The following EP400 variants were observed in gnomAD, a reference collection of about 807,000 sequenced individuals.
EP400 encodes E1A-binding protein p400.
EP400 carries 105 observed loss-of-function variants against 354.1 expected under a neutral mutation model. The ratio of observed to expected loss-of-function variants is 0.30; its 90% CI spans 0.25 to 0.35. EP400 has a LOEUF of 0.35. Ranked by LOEUF, EP400 falls within the 10% of genes least tolerant of loss-of-function variation. The pLI, the probability that EP400 is intolerant of heterozygous loss-of-function variation, is 1.00. For missense variants in EP400, 3,280 were observed against 4,121.0 expected (o/e 0.80, Z 5.59); for synonymous variants, 1,646 against 1,716.9 (o/e 0.96, Z 1.02).
chr12:132,052,897 C>T lies in EP400; in HGVS notation c.7395-249C>T, dbSNP rs1237166701. Among the ~76,000 whole-genome samples the T allele has an allele frequency of 1.3e-5, 2 of 152,050 alleles. No individual in the cohort carries two copies. Among genetic ancestry groups the T allele is most frequent in the South Asian group, 2.1e-4 (1 of 4,820 alleles). Reference sequence around the variant, plus strand: ...GGGGCTGCCACAAGTACGCTGGGGACGTGTTCGGAGATACTTTTCCTGGAG... The same window carrying T: ...GGGGCTGCCACAAGTACGCTGGGGATGTGTTCGGAGATACTTTTCCTGGAG... On this transcript the variant is annotated intron_variant, in intron 41 of 52. Transcript: ENST00000389561. The surrounding 1 kb of genome is among the most constrained non-coding windows in gnomAD (Gnocchi z 4.4).
chr12:132,045,597 C>T lies in EP400; in HGVS notation c.7026+37C>T, dbSNP rs574313944. Reference sequence around the variant, plus strand: ...TGGTCTTTGTGCCAGCGGTCATGTGCGGTCATTTTTCTAACGCACGTCCGT... The same window carrying T: ...TGGTCTTTGTGCCAGCGGTCATGTGTGGTCATTTTTCTAACGCACGTCCGT... On this transcript the variant is annotated intron_variant, in intron 38 of 52. Coordinates refer to ENST00000389561, the MANE Select transcript of EP400 (RefSeq NM_015409.5). The T allele has an allele frequency of 1.8e-5, 29 of 1,609,706 alleles. 1 individual carries two copies. The South Asian group carries it at 2.9e-4, about 16-fold the overall frequency.
chr12:132,022,092 T>C (rs1894139985), intron 23 of EP400, among the ~76,000 whole-genome samples: 1 of 152,178 alleles, frequency 6.6e-6, no homozygotes, highest in African/African-American at 2.4e-5. Context: ...TCAAACTAAT[T>C]CTCTTTCCTT....
rs1323862467 is a variant in EP400 at position 132,018,836 on chromosome 12, C to T, written c.4277+460C>T. Reference sequence around the variant, plus strand: ...GGACAGACACGTTAGATGATTAAAACGAGATATAAATGACTCATAGTCTAA... The same window carrying T: ...GGACAGACACGTTAGATGATTAAAATGAGATATAAATGACTCATAGTCTAA... On this transcript the variant is annotated intron_variant, in intron 21 of 52. Transcript: ENST00000389561. This position sits in a 1 kb window ranked among gnomAD's most constrained non-coding sequence, Gnocchi z 4.0. Among the ~76,000 whole-genome samples the T allele has an allele frequency of 4.6e-5, 7 of 152,166 alleles. No individual in the cohort carries two copies. Among genetic ancestry groups the T allele is most frequent in the South Asian group, 2.1e-4 (1 of 4,832 alleles).
intron 1 of EP400, among the ~76,000 whole-genome samples, chr12:131,957,104 C>G (rs1388221948): frequency 6.6e-6 from 1 of 152,082 alleles, no homozygotes; most frequent in African/African-American, 2.4e-5. Context: ...GTCCTGACCT[C>G]AGGTGATCCA....
At position 132,006,237 on chromosome 12, in the gene EP400, A is replaced by G. The variant is rs745674694; in HGVS notation, c.3061A>G (p.Ile1021Val). The G allele has an allele frequency of 9.3e-6, 15 of 1,614,116 alleles. No individual in the cohort carries two copies. The East Asian group carries it at 1.3e-4, about 14-fold the overall frequency. Residue 1021 changes from isoleucine (I) to valine (V), a missense_variant, in exon 14 of 53, where the codon ATT (isoleucine) becomes GTT (valine). This residue lies in a region of EP400 where 800 missense variants were observed against 840.0 expected (regional missense o/e 0.95). Coordinates refer to ENST00000389561, the MANE Select transcript of EP400 (RefSeq NM_015409.5). ...MNIGKPNAKD[I>V]ADVTAVAEAI... is the part of the protein sequence containing the mutation. ...TATCGGGAAGCCAAACGCCAAGGAC[A>G]TTGCGGACGTCACTGCGGTGGCTGA...
chr12:132,045,698 C>T lies in EP400; in HGVS notation c.7027-29C>T, dbSNP rs930312024. On this transcript the variant is annotated intron_variant, in intron 38 of 52. Transcript: ENST00000389561. ...GACCTTCTGACTTAGAGTGTATTCA[C>T]CTGTTTTACCTGAAATCTCCTTCTC... The T allele has an allele frequency of 4.3e-6, 7 of 1,612,780 alleles. No individual in the cohort carries two copies. The South Asian group carries it at 7.7e-5, about 18-fold the overall frequency.
At position 132,067,925 on chromosome 12, in the gene EP400, A is replaced by G. The variant is rs1267701483; in HGVS notation, c.8874+439A>G. 6.6e-6 allele frequency among the ~76,000 whole-genome samples: 1 copy of G among 152,082 alleles called. No individual in the cohort carries two copies. The highest frequency in any genetic ancestry group is 2.4e-5 in the African/African-American group (1 of 41,408). Reference sequence around the variant, plus strand: ...CAGACAGGGAATGTGGCCTCTGTGCATGTTGGTGGTGAAAGGGGAGATAAA... The same window carrying G: ...CAGACAGGGAATGTGGCCTCTGTGCGTGTTGGTGGTGAAAGGGGAGATAAA... On this transcript the variant is annotated intron_variant, in intron 50 of 52. Transcript: ENST00000389561. The surrounding 1 kb of genome is among the most constrained non-coding windows in gnomAD (Gnocchi z 5.3).
At position 132,062,619 on chromosome 12, in the gene EP400, C is replaced by T. The variant is rs531098130; in HGVS notation, c.8252C>T (p.Thr2751Met). The T allele has an allele frequency of 5.7e-5, 92 of 1,611,092 alleles. No individual in the cohort carries two copies. Among genetic ancestry groups the T allele is most frequent in the Middle Eastern group, 1.7e-4 (1 of 6,048 alleles). ...QQQQQQQQTT[T>M]TSQVQVPQIQ... Reference sequence around the variant, plus strand: ...CAGCAGCAGCAGCAACAGACGACGACGACCTCTCAGGTGCAAGTTCCACAG... The same window carrying T: ...CAGCAGCAGCAGCAACAGACGACGATGACCTCTCAGGTGCAAGTTCCACAG... The change falls in exon 47 of 53, where the codon ACG (threonine) becomes ATG (methionine). Residue 2751 changes from threonine to methionine, a missense_variant. Physicochemically the swap from Thr to Met is moderately conservative, Grantham distance 81. Transcript: ENST00000389561.
At chr12:131,951,065 ATTTTTTT>A (rs750396319) in intron 1 of EP400, among the ~76,000 whole-genome samples, 10,428 of 104,286 alleles carry the variant, frequency 0.1, 389 homozygotes, top group Admixed American at 0.14. Flanking sequence ...ACGCCTGGCT[ATTTTTTT>A]TTTTTTTTTT....
At chr12:132,008,641 T>C (rs1410906977) in intron 15 of EP400, among the ~76,000 whole-genome samples, 2 of 151,352 alleles carry the variant, frequency 1.3e-5, no homozygotes, top group Non-Finnish European at 2.9e-5. Context: ...AGTGCACTGG[T>C]GCACCCTTGG....
chr12:132,057,999 A>G lies in EP400; in HGVS notation c.7884+2791A>G, dbSNP rs371305800. On this transcript the variant is annotated intron_variant, in intron 45 of 52. Transcript: ENST00000389561. ...GGCCTTGTAGTGCTGTGGCTGGAAC[A>G]TGAGAGAGGTGCAGATAGCAGTGGT... Among the ~76,000 whole-genome samples the G allele has an allele frequency of 1.9e-4, 29 of 152,312 alleles. 1 individual carries two copies. The highest frequency in any genetic ancestry group is 1.7e-3 in the South Asian group (8 of 4,826).
rs191536376 is a variant in EP400, at chr12:131,956,592, C to T, written c.-35-3993C>T. Among the ~76,000 whole-genome samples the T allele has an allele frequency of 1.9e-3, 285 of 152,184 alleles. 1 individual carries two copies. The highest frequency in any genetic ancestry group is 1.9e-3 in the Non-Finnish European group (129 of 68,018). On this transcript the variant is annotated intron_variant, in intron 1 of 52. Transcript: ENST00000389561. ...CAAAGGTTTTGGGGTCACATGGGTTCATTCCACTTTCCTACTGCTGTATGC... is the reference window on the plus strand; with the variant it reads ...CAAAGGTTTTGGGGTCACATGGGTTTATTCCACTTTCCTACTGCTGTATGC...
chr12:132,069,710 G>T (rs1054168489), intron 51 of EP400, 69 bp downstream of exon 51: 1 of 1,583,272 alleles, frequency 6.3e-7, no homozygotes, highest in Non-Finnish European at 8.6e-7. Context: ...TGTGTGTCTC[G>T]CGGGCTTTGC....
intron 39 of EP400, among the ~76,000 whole-genome samples, chr12:132,048,714 G>A (rs1294448329): frequency 6.6e-6 from 1 of 152,034 alleles, no homozygotes; most frequent in East Asian, 1.9e-4. Context: ...GTAGAGGCAT[G>A]TCCTCTACTG....
chr12:132,003,672 G>A (rs1334041663), intron 12 of EP400, among the ~76,000 whole-genome samples: 4 of 152,126 alleles, frequency 2.6e-5, no homozygotes, highest in Admixed American at 2.0e-4. Context: ...CTGTAGTGGT[G>A]CATCCCAGCA....
intron 11 of EP400, among the ~76,000 whole-genome samples, chr12:131,993,604 A>G (rs1893112720): frequency 6.6e-6 from 1 of 152,172 alleles, no homozygotes; most frequent in African/African-American, 2.4e-5. Context: ...ACGGGGATAT[A>G]TTCTGAGAGA....
In EP400 at chr12:132,029,956, G is replaced by C. The variant is rs767762423; in HGVS notation, c.5585-33G>C. On this transcript the variant is annotated intron_variant, in intron 28 of 52. Coordinates refer to ENST00000389561, the MANE Select transcript of EP400 (RefSeq NM_015409.5). This position sits in a 1 kb window ranked among gnomAD's most constrained non-coding sequence, Gnocchi z 4.7. ...TGCGGGAGCTGCACCGGCCCTGGAT[G>C]ATGAGGCGCTCTTGATGTGATTCGT... The C allele has an allele frequency of 5.0e-6, 8 of 1,612,796 alleles. No individual in the cohort carries two copies. The highest frequency in any genetic ancestry group is 2.5e-6 in the Non-Finnish European group (3 of 1,179,748).
intron 51 of EP400, 54 bp downstream of exon 51, chr12:132,069,695 TG>T: frequency 6.2e-7 from 1 of 1,601,984 alleles, no homozygotes; most frequent in Non-Finnish European, 8.5e-7. Flanking sequence ...GCCCGGCCTT[TG>T]GATTGTGTGT....
intron 29 of EP400, among the ~76,000 whole-genome samples, chr12:132,031,516 T>C (rs541231632): frequency 6.6e-6 from 1 of 152,310 alleles, no homozygotes; most frequent in Admixed American, 6.5e-5. Context: ...TGCTTTAACA[T>C]GAGCCTCGTG....
Sources: gnomAD v4.1 joint callset for allele counts (sites outside exome capture counted in the v4.1 genomes callset) on GRCh38, gnomAD v4.1.1 for gene constraint, gnomAD v4.1.1 regional missense constraint, Gnocchi (gnomAD v3.1) non-coding constraint, MANE v1.5 for transcripts, NCBI Gene and HGNC (gene_info 2026-07-23, HGNC 2026-07-21) for gene names.